The following DST variants were observed in gnomAD, a reference collection of about 807,000 sequenced individuals.
The protein encoded by DST is bullous pemphigoid antigen.
In DST, 253 loss-of-function variants were observed where a neutral mutation model predicts 875.2. The ratio of observed to expected loss-of-function variants is 0.29; its 90% confidence interval spans 0.26 to 0.32. The LOEUF is 0.32. DST is among the 10% of genes least tolerant of loss of function. The pLI is 1.00. For missense variants in DST, 8,287 were observed against 9,111.6 expected, an observed-to-expected ratio of 0.91 and a Z score of 3.68; for synonymous variants, 3,124 against 3,197.1, an observed-to-expected ratio of 0.98 and a Z score of 0.77.
intron 72 of DST, among the ~76,000 whole-genome samples, chr6:56,514,578 TACACAC>T (rs766261479): frequency 0.01 from 1,505 of 145,128 alleles, 22 homozygotes; most frequent in African/African-American, 0.037. Context: ...CACAGGCGTA[TACACAC>T]ACACACACAC....
intron 3 of DST, among the ~76,000 whole-genome samples, chr6:56,895,029 G>T (rs1433382406): frequency 3.6e-5 from 4 of 112,128 alleles, no homozygotes; most frequent in South Asian, 2.4e-4. Context: ...CCGGGCGGGG[G>T]GTTGACCCCC....
chr6:56,928,962 C>A (rs1047551156), intron 2 of DST, among the ~76,000 whole-genome samples: 6 of 151,944 alleles, frequency 3.9e-5, no homozygotes, highest in Non-Finnish European at 7.4e-5. Context: ...CATAAATATT[C>A]CATTTATCCT....
rs781229918 is a variant in DST at position 56,693,074 on chromosome 6, G to A, written c.1047+6579C>T. ...TTTCTTCCAGGAGAGTATTTTTCAG[G>A]GTTCAAAGGAGTTTTGGCAGGATCT... On this transcript the variant is annotated intron_variant, in intron 9 of 103. Transcript: ENST00000680361. 14 of 1,289,538 alleles carry A rather than the reference G, an allele frequency of 1.1e-5. No homozygotes were observed. In the South Asian group the frequency reaches 1.7e-4, roughly 16 times the overall value. 79.9% of individuals were successfully genotyped at this position (1,289,538 alleles called of 1,614,324 possible). A position where few individuals can be genotyped will look rare whatever the true frequency, so the allele number is the denominator to read the frequency against.
intron 2 of DST, among the ~76,000 whole-genome samples, chr6:56,925,907 C>T (rs1033384592): frequency 6.6e-6 from 1 of 152,108 alleles, no homozygotes; most frequent in African/African-American, 2.4e-5. Flanking sequence ...GAAAAATAAA[C>T]CAAAATTTCC....
chr6:56,627,384 CAG>C lies in DST; in HGVS notation c.4639-99_4639-98del. Reference sequence around the variant, plus strand: ...ACTAAGACATATCTACATCACTTCACAGTACAGCTCCTTAGCCCTTTGCACTT... The same window carrying C: ...ACTAAGACATATCTACATCACTTCACTACAGCTCCTTAGCCCTTTGCACTT... On this transcript the variant is annotated intron_variant, in intron 33 of 103. Transcript: ENST00000680361. The C allele has an allele frequency of 7.1e-6, 6 of 845,216 alleles. No individual in the cohort carries two copies. The South Asian group carries it at 7.9e-5, about 11-fold the overall frequency. The allele number at this position is 845,216 out of a possible 1,614,324, so 52.4% of individuals were successfully genotyped here.
At position 56,608,862 on chromosome 6, in the gene DST, G is replaced by T; in HGVS notation, c.5766C>A (p.Asp1922Glu). 1.2e-6 allele frequency: 2 copies of T among 1,613,400 alleles called. No homozygotes were observed. The highest frequency in any genetic ancestry group is 1.7e-6 in the Non-Finnish European group (2 of 1,179,658). The change falls in exon 40 of 104, where the codon GAC becomes GAA. Residue 1922 changes from aspartate to glutamate, a missense_variant. Coordinates refer to ENST00000680361, the MANE Select transcript of DST (RefSeq NM_001374736.1). ...AAGAAACCTTCTCAGAGGTGCAGGG[G>T]TCAATAAGATCTTTGCACATATTTT... ...ERQNMCKDLI[D>E]PCTSEKVSLI...
At chr6:56,561,574 C>A in intron 56 of DST, 25 bp from the exon 57 acceptor site, 1 of 1,586,558 alleles carries the variant, frequency 6.3e-7, no homozygotes, top group Non-Finnish European at 8.6e-7. Context: ...AACAACTATA[C>A]TGACACATTT....
intron 9 of DST, among the ~76,000 whole-genome samples, chr6:56,696,622 C>T (rs1053061674): frequency 2.6e-5 from 4 of 152,128 alleles, no homozygotes; most frequent in Non-Finnish European, 2.9e-5. Flanking sequence ...CCTCCCAACC[C>T]TTTTGGCTTG....
intron 2 of DST, among the ~76,000 whole-genome samples, chr6:56,929,976 A>C (rs891941110): frequency 2.0e-5 from 3 of 152,254 alleles, no homozygotes; most frequent in African/African-American, 7.2e-5. Context: ...AAAGGTAGAG[A>C]CAAGTCTTAT....
At chr6:56,478,741 C>T (rs926085474) in intron 90 of DST, among the ~76,000 whole-genome samples, 7 of 152,054 alleles carry the variant, frequency 4.6e-5, no homozygotes, top group African/African-American at 9.7e-5. Context: ...TGCCAGAGGC[C>T]GCAGAGATCG....
At chr6:56,663,577 A>G (rs1289239640) in intron 10 of DST, among the ~76,000 whole-genome samples, 1 of 152,214 alleles carries the variant, frequency 6.6e-6, no homozygotes, top group Non-Finnish European at 1.5e-5. Context: ...AACCAGTCCA[A>G]TCCAGTTTAG....
At chr6:56,462,943 G>T in intron 102 of DST, 103 bp downstream of exon 102, 2 of 628,162 alleles carry the variant, frequency 3.2e-6, no homozygotes, top group Non-Finnish European at 5.6e-6. Flanking sequence ...AAGACATAGG[G>T]TTAGCAAAGT....
At chr6:56,820,704 T>G (rs902338312) in intron 4 of DST, among the ~76,000 whole-genome samples, 1 of 152,110 alleles carries the variant, frequency 6.6e-6, no homozygotes, top group African/African-American at 2.4e-5. Context: ...TTTCCCCAAA[T>G]AGCTGGTTGC....
chr6:56,628,638 T>C (rs911523040), intron 32 of DST, among the ~76,000 whole-genome samples: 5 of 152,228 alleles, frequency 3.3e-5, no homozygotes, highest in African/African-American at 1.2e-4. Context: ...CTATGTATCA[T>C]ATTTGTTACA....
chr6:56,481,926 A>G, intron 90 of DST, 124 bp downstream of exon 90: 1 of 1,049,842 alleles, frequency 9.5e-7, no homozygotes, highest in South Asian at 1.5e-5. Flanking sequence ...TCTCAAATGT[A>G]TCAGGTGTTT....
At chr6:56,511,131 G>A in intron 73 of DST, 66 bp downstream of exon 73, 1 of 1,349,174 alleles carries the variant, frequency 7.4e-7, no homozygotes, top group Non-Finnish European at 1.0e-6. Context: ...AGGAAATCCA[G>A]GAAAATGTCT....
chr6:56,812,075 C>T (rs945803814), intron 4 of DST, among the ~76,000 whole-genome samples: 4 of 116,524 alleles, frequency 3.4e-5, no homozygotes, highest in Admixed American at 1.0e-4. Context: ...GCACTCCAGC[C>T]TGGGCAACAG....
chr6:56,676,333 G>A (rs1328497873), intron 9 of DST, among the ~76,000 whole-genome samples: 1 of 152,228 alleles, frequency 6.6e-6, no homozygotes. Context: ...TGCCCAAAGT[G>A]CTGGGATTAC....
chr6:56,904,686 C>G (rs1332548714), intron 2 of DST, among the ~76,000 whole-genome samples: 1 of 152,086 alleles, frequency 6.6e-6, no homozygotes, highest in African/African-American at 2.4e-5. Context: ...ATTTATGACA[C>G]TTTCTTCTCC....
Sources: gnomAD v4.1 joint callset for allele counts (sites outside exome capture counted in the v4.1 genomes callset) on GRCh38, gnomAD v4.1.1 for gene constraint, MANE v1.5 for transcripts, NCBI Gene and HGNC (gene_info 2026-07-23, HGNC 2026-07-21) for gene names.